The following NPEPPS variants were observed in gnomAD, a reference collection of about 807,000 sequenced individuals.
NPEPPS encodes aminopeptidase puromycin sensitive.
A neutral mutation model predicts 115.5 loss-of-function variants in NPEPPS; 14 were observed. That is an observed-to-expected ratio of 0.12 (90% CI 0.08 to 0.19). The LOEUF (loss-of-function observed/expected upper bound fraction) is 0.19. Ranked by LOEUF, NPEPPS falls within the 10% of genes least tolerant of loss-of-function variation. NPEPPS has a pLI of 1.00. For missense variants in NPEPPS, 523 were observed against 1,110.8 expected (o/e 0.47, Z 7.52); for synonymous variants, 285 against 390.6 (o/e 0.73, Z 3.19).
At chr17:47,538,707 T>G (rs1327826087) in intron 1 of NPEPPS, among the ~76,000 whole-genome samples, 1 of 151,734 alleles carries the variant, frequency 6.6e-6, no homozygotes, top group East Asian at 1.9e-4. Context: ...TTTTTGAATT[T>G]TTAGTAGAGA....
chr17:47,575,610 TA>T (rs1298871305), intron 3 of NPEPPS, among the ~76,000 whole-genome samples: 4 of 148,622 alleles, frequency 2.7e-5, no homozygotes, highest in Non-Finnish European at 5.9e-5. Context: ...TTATTATTAT[TA>T]TTATTATTTT....
intron 3 of NPEPPS, among the ~76,000 whole-genome samples, chr17:47,571,563 A>G (rs1911195134): frequency 6.6e-6 from 1 of 152,058 alleles, no homozygotes; most frequent in South Asian, 2.1e-4. Context: ...CTAAAAATAC[A>G]AAAAATTAGC....
chr17:47,603,047 AC>A (rs1321995844), intron 15 of NPEPPS, among the ~76,000 whole-genome samples: 1 of 152,202 alleles, frequency 6.6e-6, no homozygotes, highest in East Asian at 1.9e-4. Context: ...TTTGTATCTT[AC>A]TGTTTTACCA....
At chr17:47,549,479 T>TA (rs1353137069) in intron 2 of NPEPPS, among the ~76,000 whole-genome samples, 1 of 151,998 alleles carries the variant, frequency 6.6e-6, no homozygotes, top group Non-Finnish European at 1.5e-5. Flanking sequence ...TATGAGTTGT[T>TA]AAAGTTTGAA....
intron 2 of NPEPPS, among the ~76,000 whole-genome samples, chr17:47,552,271 G>A (rs1001015466): frequency 6.6e-6 from 1 of 152,050 alleles, no homozygotes; most frequent in African/African-American, 2.4e-5. Context: ...CCCTTGTTTG[G>A]ATTTCTATGC....
chr17:47,531,199 C>A lies in NPEPPS; in HGVS notation c.-102C>A. The A allele has an allele frequency of 1.4e-6, 2 of 1,408,892 alleles. No homozygotes were observed. Among genetic ancestry groups the A allele is most frequent in the Non-Finnish European group, 1.8e-6 (2 of 1,086,196 alleles). The allele number at this position is 1,408,892 out of a possible 1,614,324, so 87.3% of individuals were successfully genotyped here. A position where few individuals can be genotyped will look rare whatever the true frequency, so the allele number is the denominator to read the frequency against. The stretch of plus-strand genomic sequence containing the variant: ...TAGGCAGCCCGCCCGCCAGTCCGCC[C>A]GCACCGCCTCCTTCCCAGCCCCTAG... On this transcript the variant is annotated 5_prime_UTR_variant, in exon 1 of 23. Transcript: ENST00000322157.
At chr17:47,566,525 CAG>C (rs1910828842) in intron 2 of NPEPPS, among the ~76,000 whole-genome samples, 1 of 133,234 alleles carries the variant, frequency 7.5e-6, no homozygotes, top group Non-Finnish European at 1.6e-5. Context: ...TTTTTTGATA[CAG>C]AGTCTCACTC....
chr17:47,602,493 C>G (rs1035666560), intron 15 of NPEPPS, among the ~76,000 whole-genome samples: 1 of 151,962 alleles, frequency 6.6e-6, no homozygotes, highest in Admixed American at 6.6e-5. Context: ...AAAAAATTAG[C>G]TAGTCGTGAT....
Position 47,612,515 on chromosome 17 carries a change from A to T in NPEPPS, c.2151A>T (p.Gly717=). 6.2e-7 allele frequency: 1 copy of T among 1,613,996 alleles called. No homozygotes were observed. The highest frequency in any genetic ancestry group is 8.5e-7 in the Non-Finnish European group (1 of 1,179,890). ...GLVLGKLGKA[G]HKATLEEARR... is the part of the protein sequence containing the mutation. ...TTCTGGGAAAACTAGGAAAAGCAGGACATAAGGCAACGTTAGAAGAAGCCC... is the reference window on the plus strand; with the variant it reads ...TTCTGGGAAAACTAGGAAAAGCAGGTCATAAGGCAACGTTAGAAGAAGCCC... The change falls in exon 18 of 23, where the codon GGA becomes GGT. Residue 717 remains glycine, a synonymous_variant. Transcript: ENST00000322157.
At chr17:47,547,366 T>A (rs1406352644) in intron 2 of NPEPPS, among the ~76,000 whole-genome samples, 1 of 151,706 alleles carries the variant, frequency 6.6e-6, no homozygotes, top group Non-Finnish European at 1.5e-5. Context: ...TTTTTTTTTT[T>A]GAGAGAGTCT....
At chr17:47,599,985 A>AC (rs1420109192) in intron 14 of NPEPPS, among the ~76,000 whole-genome samples, 1 of 151,958 alleles carries the variant, frequency 6.6e-6, no homozygotes, top group Non-Finnish European at 1.5e-5. Context: ...TGCTCGGCTA[A>AC]TTTTTTGTAT....
intron 15 of NPEPPS, 157 bp from the exon 16 acceptor site, chr17:47,603,758 G>C: frequency 1.8e-6 from 1 of 569,302 alleles, no homozygotes; most frequent in Non-Finnish European, 3.0e-6. Context: ...ATTCTGTCTT[G>C]ATGTGTTGTC....
intron 5 of NPEPPS, among the ~76,000 whole-genome samples, chr17:47,584,488 G>A (rs1279770486): frequency 1.3e-5 from 2 of 152,086 alleles, no homozygotes; most frequent in African/African-American, 4.8e-5. Flanking sequence ...ACTCTTTTAT[G>A]TATTTATTGG....
At chr17:47,610,673 C>T (rs966246562) in intron 17 of NPEPPS, among the ~76,000 whole-genome samples, 9 of 151,800 alleles carry the variant, frequency 5.9e-5, no homozygotes, top group African/African-American at 1.9e-4. Context: ...TGAACCACCA[C>T]ACCCAGACCC....
chr17:47,574,899 C>T (rs1228311929), intron 3 of NPEPPS, among the ~76,000 whole-genome samples: 3 of 152,180 alleles, frequency 2.0e-5, no homozygotes, highest in East Asian at 1.9e-4. Flanking sequence ...TGAGCCACTA[C>T]GCCAGCCAGA....
chr17:47,574,222 G>A (rs1019736996), intron 3 of NPEPPS, among the ~76,000 whole-genome samples: 1 of 152,082 alleles, frequency 6.6e-6, no homozygotes, highest in African/African-American at 2.4e-5. Context: ...GGAGAAAGTA[G>A]AAGAAAGTTT....
intron 12 of NPEPPS, 156 bp from the exon 13 acceptor site, chr17:47,596,197 A>G: frequency 1.9e-6 from 1 of 528,192 alleles, no homozygotes; most frequent in East Asian, 3.2e-5. Flanking sequence ...GTTGCAGAAG[A>G]GGGGTGGCAA....
At chr17:47,563,997 A>G (rs935919009) in intron 2 of NPEPPS, among the ~76,000 whole-genome samples, 10 of 151,716 alleles carry the variant, frequency 6.6e-5, no homozygotes, top group African/African-American at 2.4e-4. Flanking sequence ...CAGTGGTGTG[A>G]TCTCAGCTCA....
At chr17:47,591,427 G>C (rs1247591668) in intron 10 of NPEPPS, among the ~76,000 whole-genome samples, 1 of 152,034 alleles carries the variant, frequency 6.6e-6, no homozygotes, top group Non-Finnish European at 1.5e-5. Flanking sequence ...GTAACACTAT[G>C]GTTCCATTGT....
Sources: allele counts gnomAD v4.1 joint callset (sites outside exome capture counted in the v4.1 genomes callset), GRCh38; gene constraint gnomAD v4.1.1; transcripts MANE v1.5; gene names NCBI Gene and HGNC (gene_info 2026-07-23, HGNC 2026-07-21).